AGPAT3: variants seen among roughly 807,000 people sequenced by gnomAD.
The protein encoded by AGPAT3 is 1-acyl-sn-glycerol-3-phosphate acyltransferase gamma.
Under a neutral mutation model 47.3 loss-of-function variants are expected in AGPAT3, and 5 were observed. The observed-to-expected ratio is 0.11, with a 90% CI of 0.06 to 0.22. The LOEUF (loss-of-function observed/expected upper bound fraction) is 0.22, where lower values mean the gene tolerates loss of function less well. Among genes scored for constraint, AGPAT3 ranks in the 10% least tolerant of loss-of-function variants. AGPAT3 has a pLI of 1.00. For synonymous variants in AGPAT3, 212 were observed against 208.3 expected (o/e 1.02, Z -0.15); for missense variants, 315 against 493.0 (o/e 0.64, Z 3.42).
In AGPAT3 at chr21:43,893,597, C is replaced by A. The variant is rs185381790; in HGVS notation, c.-111-10360C>A. Among the ~76,000 whole-genome samples the A allele has an allele frequency of 8.3e-4, 126 of 152,358 alleles. 1 individual carries two copies. The highest frequency in any genetic ancestry group is 2.9e-3 in the African/African-American group (119 of 41,574). ...CCTTCCTCAGCAGGCTTAGTCACTT[C>A]TAGCTTTTGATGTAAAGTGAGAGCT... On this transcript the variant is annotated intron_variant, in intron 1 of 9. Coordinates refer to ENST00000291572, the MANE Select transcript of AGPAT3 (RefSeq NM_020132.5).
At chr21:43,968,520 G>A (rs1157318110) in intron 4 of AGPAT3, among the ~76,000 whole-genome samples, 1 of 151,912 alleles carries the variant, frequency 6.6e-6, no homozygotes, top group Non-Finnish European at 1.5e-5. Flanking sequence ...CCCAGGGAAA[G>A]GGCTAGGGGA....
chr21:43,872,897 T>C (rs139493298), intron 1 of AGPAT3, among the ~76,000 whole-genome samples: 3 of 152,288 alleles, frequency 2.0e-5, no homozygotes, highest in African/African-American at 7.2e-5. Flanking sequence ...ACAAACAAAG[T>C]GACCCAAAAG....
Position 43,955,224 on chromosome 21 carries a change from T to G in AGPAT3, c.-48-4410T>G. 1 of 1,239,382 alleles carries G rather than the reference T, an allele frequency of 8.1e-7. No homozygotes were observed. Among genetic ancestry groups the G allele is most frequent in the Non-Finnish European group, 1.0e-6 (1 of 957,652 alleles). The allele number at this position is 1,239,382 out of a possible 1,614,324, so 76.8% of individuals were successfully genotyped here. A position where few individuals can be genotyped will look rare whatever the true frequency, so the allele number is the denominator to read the frequency against. ...GGCCAGATGCCATGGGATTCTGTGT[T>G]TGTGAACCTCTAGAAAAGGTAAATT... is the stretch of plus-strand genomic sequence containing the variant. On this transcript the variant is annotated intron_variant, in intron 2 of 9. Coordinates refer to ENST00000291572, the MANE Select transcript of AGPAT3 (RefSeq NM_020132.5). This position sits in a 1 kb window ranked among gnomAD's most constrained non-coding sequence, Gnocchi z 4.1.
chr21:43,979,337 A>G lies in AGPAT3; in HGVS notation c.843+1216A>G, dbSNP rs1280621567. ...AAAAAGAAAGAAAAAAAAAGAAAGAAAAAAAAAAAGGGAAATCTCCAGGAC... is the reference window on the plus strand; with the variant it reads ...AAAAAGAAAGAAAAAAAAAGAAAGAGAAAAAAAAAGGGAAATCTCCAGGAC... On this transcript the variant is annotated intron_variant, in intron 8 of 9. Coordinates refer to ENST00000291572, the MANE Select transcript of AGPAT3 (RefSeq NM_020132.5). Among the ~76,000 whole-genome samples the G allele has an allele frequency of 1.1e-4, 9 of 82,028 alleles. No individual in the cohort carries two copies. The South Asian group carries it at 1.1e-3, about 10-fold the overall frequency. 53.8% of individuals were successfully genotyped at this position (82,028 alleles called of 152,430 possible).
rs947653520 is a variant in AGPAT3 at position 43,934,593 on chromosome 21, C to T, written c.-48-25041C>T. Among the ~76,000 whole-genome samples, 3 of 152,190 alleles carry T rather than the reference C, an allele frequency of 2.0e-5. No individual in the cohort carries two copies. Among genetic ancestry groups the T allele is most frequent in the East Asian group, 3.9e-4 (2 of 5,178 alleles). ...CCAGAAGGTAAGACTAGGAGGTGTGCGATGGTGATGGGGCGGAGGAGGGGA... is the reference window on the plus strand; with the variant it reads ...CCAGAAGGTAAGACTAGGAGGTGTGTGATGGTGATGGGGCGGAGGAGGGGA... On this transcript the variant is annotated intron_variant, in intron 2 of 9. Transcript: ENST00000291572. The surrounding 1 kb of genome is among the most constrained non-coding windows in gnomAD (Gnocchi z 4.7).
intron 4 of AGPAT3, 63 bp downstream of exon 4, chr21:43,968,178 A>G: frequency 9.3e-7 from 1 of 1,076,398 alleles, no homozygotes; most frequent in South Asian, 2.0e-5. Flanking sequence ...GCCGGGGGTG[A>G]GCGGGGACCC....
At chr21:43,959,910 G>C (rs1411690487) in intron 3 of AGPAT3, 51 bp downstream of exon 3, 1 of 1,539,934 alleles carries the variant, frequency 6.5e-7, no homozygotes, top group South Asian at 1.2e-5. Flanking sequence ...CGTGGGGGTG[G>C]CGCGCGACCA....
At chr21:43,866,117 AGT>A (rs1413130226) in intron 1 of AGPAT3, among the ~76,000 whole-genome samples, 1 of 122,712 alleles carries the variant, frequency 8.1e-6, no homozygotes, top group South Asian at 2.7e-4. Flanking sequence ...AAAATGGTGC[AGT>A]GTTTTTTTTT....
intron 2 of AGPAT3, among the ~76,000 whole-genome samples, chr21:43,949,024 C>T (rs2088049658): frequency 6.6e-6 from 1 of 152,136 alleles, no homozygotes; most frequent in South Asian, 2.1e-4. Flanking sequence ...TTGAGGCTTT[C>T]TAGATGTTGT....
Position 43,934,650 on chromosome 21 carries a change from C to T in AGPAT3, c.-48-24984C>T, listed in dbSNP as rs940762846. Among the ~76,000 whole-genome samples, 11 of 152,158 alleles carry T rather than the reference C, an allele frequency of 7.2e-5. No homozygotes were observed. The highest frequency in any genetic ancestry group is 1.0e-4 in the Non-Finnish European group (7 of 68,016). Reference sequence around the variant, plus strand: ...GAACCTGTGGAGGGGCGGGCTCAAGCCCTGGTCGTGAGCAGGATGACATTC... The same window carrying T: ...GAACCTGTGGAGGGGCGGGCTCAAGTCCTGGTCGTGAGCAGGATGACATTC... On this transcript the variant is annotated intron_variant, in intron 2 of 9. Transcript: ENST00000291572. This position sits in a 1 kb window ranked among gnomAD's most constrained non-coding sequence, Gnocchi z 4.7.
intron 8 of AGPAT3, among the ~76,000 whole-genome samples, chr21:43,979,374 G>A (rs553012082): frequency 6.6e-6 from 1 of 151,936 alleles, no homozygotes; most frequent in African/African-American, 2.4e-5. Flanking sequence ...GAAAAGGGAG[G>A]TGGGGCTGAG....
At chr21:43,967,860 A>G (rs918718152) in intron 3 of AGPAT3, 86 bp from the exon 4 acceptor site, 10 of 1,385,496 alleles carry the variant, frequency 7.2e-6, no homozygotes, top group Admixed American at 4.6e-5. Context: ...CTGGACAAAA[A>G]TACTGTAGGT....
chr21:43,951,085 C>T (rs2088170019), intron 2 of AGPAT3, among the ~76,000 whole-genome samples: 1 of 152,228 alleles, frequency 6.6e-6, no homozygotes, highest in Non-Finnish European at 1.5e-5. Flanking sequence ...TTCCCCAGCA[C>T]CCAAGAGCCC....
At chr21:43,918,734 G>A (rs547558572) in intron 2 of AGPAT3, among the ~76,000 whole-genome samples, 26 of 152,056 alleles carry the variant, frequency 1.7e-4, no homozygotes, top group African/African-American at 6.0e-4. Flanking sequence ...GCGCCACCAC[G>A]CCCAGCTAAT....
At chr21:43,889,588 C>T (rs776091051) in intron 1 of AGPAT3, among the ~76,000 whole-genome samples, 21 of 152,146 alleles carry the variant, frequency 1.4e-4, no homozygotes, top group African/African-American at 4.8e-4. Flanking sequence ...ATAAATATCA[C>T]GATAAAGTGA....
At chr21:43,926,082 T>A (rs951849431) in intron 2 of AGPAT3, among the ~76,000 whole-genome samples, 2 of 152,262 alleles carry the variant, frequency 1.3e-5, no homozygotes, top group Non-Finnish European at 2.9e-5. Flanking sequence ...TTAAAGTTAA[T>A]TCCACTTTTC....
In AGPAT3 at chr21:43,880,204, G is replaced by T. The variant is rs1336716340; in HGVS notation, c.-112+14859G>T. 6.6e-6 allele frequency among the ~76,000 whole-genome samples: 1 copy of T among 152,152 alleles called. No homozygotes were observed. The highest frequency in any genetic ancestry group is 1.9e-4 in the East Asian group (1 of 5,184). ...CCTCCCAGGCTGGTGCTGTGTTCCT[G>T]GACCAGCGTCCGATTTCCCTGCTGC... On this transcript the variant is annotated intron_variant, in intron 1 of 9. Coordinates refer to ENST00000291572, the MANE Select transcript of AGPAT3 (RefSeq NM_020132.5). The surrounding 1 kb of genome is among the most constrained non-coding windows in gnomAD (Gnocchi z 4.5).
rs1387753143 is a variant in AGPAT3, at chr21:43,952,864, AG to A, written c.-48-6768del. Reference sequence around the variant, plus strand: ...TGGAGCCCCAGAGGTCCCACCCCTGAGGTCCCACCCTGTGTGGCTCTTCTAT... The same window carrying A: ...TGGAGCCCCAGAGGTCCCACCCCTGAGTCCCACCCTGTGTGGCTCTTCTAT... On this transcript the variant is annotated intron_variant, in intron 2 of 9. Coordinates refer to ENST00000291572, the MANE Select transcript of AGPAT3 (RefSeq NM_020132.5). The surrounding 1 kb of genome is among the most constrained non-coding windows in gnomAD (Gnocchi z 5.6). 1.8e-4 allele frequency among the ~76,000 whole-genome samples: 27 copies of A among 152,026 alleles called. No homozygotes were observed. Among genetic ancestry groups the A allele is most frequent in the African/African-American group, 6.5e-4 (27 of 41,494 alleles).
At chr21:43,941,319 G>C (rs537480653) in intron 2 of AGPAT3, among the ~76,000 whole-genome samples, 2 of 152,128 alleles carry the variant, frequency 1.3e-5, no homozygotes, top group Admixed American at 6.5e-5. Flanking sequence ...TGCTAACAGC[G>C]GGGAGGGTCA....
Sources: allele counts gnomAD v4.1 joint callset (sites outside exome capture counted in the v4.1 genomes callset), GRCh38; gene constraint gnomAD v4.1.1; non-coding constraint Gnocchi (gnomAD v3.1); transcripts MANE v1.5; gene names NCBI Gene and HGNC (gene_info 2026-07-23, HGNC 2026-07-21).